The following CLYBL variants were observed in gnomAD, a reference collection of about 807,000 sequenced individuals.
CLYBL encodes the protein citramalyl-CoA lyase.
A neutral mutation model predicts 38.9 loss-of-function variants in CLYBL; 31 were observed. That is an observed-to-expected ratio of 0.80 (90% CI 0.60 to 1.08). The LOEUF (loss-of-function observed/expected upper bound fraction) is 1.08, where lower values mean the gene tolerates loss of function less well. Among genes scored for constraint, CLYBL ranks in the 50% least tolerant of loss-of-function variants. The probability of loss-of-function intolerance (pLI) is 0.00; values close to 1 mark genes in which losing one functional copy is unlikely to be tolerated. For missense variants in CLYBL, 434 were observed against 411.6 expected, an observed-to-expected ratio of 1.05 and a Z score of -0.47; for synonymous variants, 171 against 158.6, an observed-to-expected ratio of 1.08 and a Z score of -0.59.
chr13:99,651,755 C>A (rs1247034891), intron 1 of CLYBL, among the ~76,000 whole-genome samples: 2 of 151,382 alleles, frequency 1.3e-5, no homozygotes, highest in Non-Finnish European at 2.9e-5. Flanking sequence ...CATGGTGAAA[C>A]CCCGTCTCTA....
In CLYBL at chr13:99,796,082, A is replaced by C. The variant is rs930496166; in HGVS notation, c.249+23072A>C. ...AGTCAGAGCAAAGGGAGCCTGAAGT[A>C]GGTATGAGAGCCCAAATTTGTGGTC... is the stretch of plus-strand genomic sequence containing the variant. On this transcript the variant is annotated intron_variant, in intron 2 of 8. Coordinates refer to ENST00000339105, the MANE Select transcript of CLYBL (RefSeq NM_206808.5). Among the ~76,000 whole-genome samples the C allele has an allele frequency of 2.0e-5, 3 of 152,346 alleles. No homozygotes were observed. The East Asian group carries it at 5.8e-4, about 29-fold the overall frequency.
chr13:99,862,227 T>TATC (rs1346032449), intron 3 of CLYBL, among the ~76,000 whole-genome samples: 5 of 152,108 alleles, frequency 3.3e-5, no homozygotes, highest in African/African-American at 1.2e-4. Flanking sequence ...GTTTCTTCTC[T>TATC]ATCTATCTCC....
At chr13:99,760,989 A>G (rs1456549635) in intron 1 of CLYBL, among the ~76,000 whole-genome samples, 1 of 152,204 alleles carries the variant, frequency 6.6e-6, no homozygotes, top group Non-Finnish European at 1.5e-5. Flanking sequence ...ATATATTTAT[A>G]CCCATAATCA....
chr13:99,633,181 A>G lies in CLYBL; in HGVS notation c.62+26424A>G, dbSNP rs557300889. Among the ~76,000 whole-genome samples, 5 of 134,212 alleles carry G rather than the reference A, an allele frequency of 3.7e-5. No individual in the cohort carries two copies. In the East Asian group the frequency reaches 1.4e-3, roughly 37 times the overall value. The allele number at this position is 134,212 out of a possible 152,430, so 88.0% of individuals were successfully genotyped here. A position where few individuals can be genotyped will look rare whatever the true frequency, so the allele number is the denominator to read the frequency against. ...AGCCGAGATCATACCAGTGCACTCC[A>G]GCCTGGGCAACAGAGCAAGATCCTG... On this transcript the variant is annotated intron_variant, in intron 1 of 8. Coordinates refer to ENST00000339105, the MANE Select transcript of CLYBL (RefSeq NM_206808.5).
chr13:99,753,698 T>G (rs1345736885), intron 1 of CLYBL, among the ~76,000 whole-genome samples: 2 of 152,222 alleles, frequency 1.3e-5, no homozygotes, highest in Non-Finnish European at 2.9e-5. Flanking sequence ...AACTTCATTT[T>G]GAATTTAAAG....
At chr13:99,754,684 A>C (rs1210845260) in intron 1 of CLYBL, among the ~76,000 whole-genome samples, 2 of 151,204 alleles carry the variant, frequency 1.3e-5, no homozygotes, top group African/African-American at 2.4e-5. Flanking sequence ...TCCTGGGTTC[A>C]AGTGATTCTC....
At chr13:99,803,853 C>A (rs1424825297) in intron 2 of CLYBL, among the ~76,000 whole-genome samples, 1 of 152,166 alleles carries the variant, frequency 6.6e-6, no homozygotes, top group African/African-American at 2.4e-5. Flanking sequence ...GTCACACTAA[C>A]AGTGGGGTTC....
intron 1 of CLYBL, among the ~76,000 whole-genome samples, chr13:99,692,665 C>T (rs1047770470): frequency 6.6e-6 from 1 of 152,176 alleles, no homozygotes; most frequent in African/African-American, 2.4e-5. Context: ...ATGATCATCA[C>T]TATCTAATTC....
At chr13:99,751,479 C>T (rs896081927) in intron 1 of CLYBL, among the ~76,000 whole-genome samples, 101 of 152,120 alleles carry the variant, frequency 6.6e-4, no homozygotes, top group African/African-American at 2.3e-3. Flanking sequence ...CCTCAGCCTC[C>T]CAAAGTGCTG....
chr13:99,829,396 C>A (rs2050760571), intron 2 of CLYBL, among the ~76,000 whole-genome samples: 1 of 152,216 alleles, frequency 6.6e-6, no homozygotes, highest in African/African-American at 2.4e-5. Flanking sequence ...CCAAAAAGAT[C>A]CGCCATCTGG....
At chr13:99,845,076 A>G (rs2051168649) in intron 2 of CLYBL, among the ~76,000 whole-genome samples, 1 of 152,202 alleles carries the variant, frequency 6.6e-6, no homozygotes, top group African/African-American at 2.4e-5. Flanking sequence ...AACTAGGCAT[A>G]TGTTGTAAGG....
intron 1 of CLYBL, among the ~76,000 whole-genome samples, chr13:99,642,745 C>T (rs1052549442): frequency 2.1e-4 from 32 of 151,252 alleles, no homozygotes; most frequent in African/African-American, 7.8e-4. Flanking sequence ...TGCTTCCCTC[C>T]CTCCCTCCCT....
chr13:99,862,099 A>G (rs1475257705), intron 3 of CLYBL, among the ~76,000 whole-genome samples: 2 of 152,194 alleles, frequency 1.3e-5, no homozygotes, highest in Admixed American at 1.3e-4. Context: ...GACTGAATGG[A>G]GAGATGATTA....
chr13:99,837,332 C>T (rs2050962491), intron 2 of CLYBL, among the ~76,000 whole-genome samples: 1 of 152,156 alleles, frequency 6.6e-6, no homozygotes, highest in Non-Finnish European at 1.5e-5. Flanking sequence ...CACCTGTACC[C>T]TCAACTAATT....
At chr13:99,609,914 TTTTC>T in intron 1 of CLYBL, among the ~76,000 whole-genome samples, 1 of 145,050 alleles carries the variant, frequency 6.9e-6, no homozygotes, top group South Asian at 2.1e-4. Flanking sequence ...TTAGTTCTTT[TTTTC>T]TTTCTTTCTC....
intron 1 of CLYBL, among the ~76,000 whole-genome samples, chr13:99,613,966 A>T (rs1326082559): frequency 3.3e-5 from 5 of 152,152 alleles, no homozygotes; most frequent in Admixed American, 1.3e-4. Flanking sequence ...GTCGCCTGGG[A>T]CTGTCCTGGG....
chr13:99,688,075 G>A (rs1485165563), intron 1 of CLYBL, among the ~76,000 whole-genome samples: 2 of 152,024 alleles, frequency 1.3e-5, no homozygotes, highest in Non-Finnish European at 2.9e-5. Context: ...TTGAAGCAAC[G>A]GTCTTTCCCT....
At chr13:99,780,242 C>T (rs765094872) in intron 2 of CLYBL, among the ~76,000 whole-genome samples, 1 of 152,108 alleles carries the variant, frequency 6.6e-6, no homozygotes, top group African/African-American at 2.4e-5. Context: ...GTGGTCTGAT[C>T]GTAATACAGC....
chr13:99,759,659 C>T (rs1365401289), intron 1 of CLYBL, among the ~76,000 whole-genome samples: 1 of 152,072 alleles, frequency 6.6e-6, no homozygotes, highest in Non-Finnish European at 1.5e-5. Flanking sequence ...ACCAGCAGCA[C>T]CCATGGGTGA....
Sources: allele counts gnomAD v4.1 joint callset (sites outside exome capture counted in the v4.1 genomes callset), GRCh38; gene constraint gnomAD v4.1.1; transcripts MANE v1.5; gene names NCBI Gene and HGNC (gene_info 2026-07-23, HGNC 2026-07-21).